Variants in TNS2 observed in about 807,000 individuals in gnomAD.
The protein encoded by TNS2 is tensin-2.
TNS2 carries 77 observed loss-of-function variants against 155.7 expected under a neutral mutation model. The ratio of observed to expected loss-of-function variants is 0.49; its 90% CI spans 0.41 to 0.60. The LOEUF (loss-of-function observed/expected upper bound fraction) is 0.60. Among genes scored for constraint, TNS2 ranks in the 20% least tolerant of loss-of-function variants. TNS2 has a pLI of 0.00. For synonymous variants in TNS2, 726 were observed against 763.9 expected (o/e 0.95, Z 0.82); for missense variants, 1,703 against 1,868.8 (o/e 0.91, Z 1.64).
Position 53,063,525 on chromosome 12 carries a change from C to G in TNS2, c.4062-38C>G, listed in dbSNP as rs751207674. The G allele has an allele frequency of 1.3e-4, 204 of 1,613,624 alleles. No individual in the cohort carries two copies. The highest frequency in any genetic ancestry group is 1.7e-4 in the Non-Finnish European group (203 of 1,179,932). On this transcript the variant is annotated intron_variant, in intron 27 of 28. Coordinates refer to ENST00000314250, the MANE Select transcript of TNS2 (RefSeq NM_170754.4). This position sits in a 1 kb window ranked among gnomAD's most constrained non-coding sequence, Gnocchi z 5.6. Reference sequence around the variant, plus strand: ...CCCGGCCCCCCTTCAGCAGCTGTCCCCTGGGGTGTGCATCTTCACCTTCTT... The same window carrying G: ...CCCGGCCCCCCTTCAGCAGCTGTCCGCTGGGGTGTGCATCTTCACCTTCTT...
At position 53,050,260 on chromosome 12, in the gene TNS2, G is replaced by C; in HGVS notation, c.75G>C (p.Arg25Ser). Residue 25 changes from arginine (R) to serine (S), a missense_variant and splice_region_variant, in exon 1 of 29, where the codon AGG (arginine) becomes AGC (serine). Coordinates refer to ENST00000314250, the MANE Select transcript of TNS2 (RefSeq NM_170754.4). The surrounding 1 kb of genome is among the most constrained non-coding windows in gnomAD (Gnocchi z 4.7). The part of the protein sequence containing the change: ...GRRDSSRAAS[R>S]PRKAEPHSFR... ...GGGACAGCAGCCGGGCCGCAAGCAG[G>C]GTAGGAGTGCCCACCAGCTGGGCAA... The C allele has an allele frequency of 6.2e-7, 1 of 1,604,374 alleles. No individual in the cohort carries two copies. Among genetic ancestry groups the C allele is most frequent in the South Asian group, 1.1e-5 (1 of 89,568 alleles).
Position 53,061,802 on chromosome 12 carries a change from C to G in TNS2, c.3449-13C>G, listed in dbSNP as rs751076154. Reference sequence around the variant, plus strand: ...AAACTCCTCCCCACTGCCCGCTACCCCTCACCCTGCAGCCATTGCCCTGCT... The same window carrying G: ...AAACTCCTCCCCACTGCCCGCTACCGCTCACCCTGCAGCCATTGCCCTGCT... On this transcript the variant is annotated splice_polypyrimidine_tract_variant and intron_variant, in intron 21 of 28. Coordinates refer to ENST00000314250, the MANE Select transcript of TNS2 (RefSeq NM_170754.4). 1 of 1,609,336 alleles carries G rather than the reference C, an allele frequency of 6.2e-7. No individual in the cohort carries two copies. The highest frequency in any genetic ancestry group is 8.5e-7 in the Non-Finnish European group (1 of 1,177,546).
At chr12:53,049,271 G>A (rs1178391748), upstream of TNS2, 3 of 1,595,732 alleles carry the variant, frequency 1.9e-6, no homozygotes, top group African/African-American at 2.7e-5. Flanking sequence ...CTTCGGGGTT[G>A]CCGCGGGGGG....
At chr12:53,057,524 C>A in intron 11 of TNS2, 43 bp from the exon 12 acceptor site, 1 of 1,451,260 alleles carries the variant, frequency 6.9e-7, no homozygotes, top group Non-Finnish European at 9.6e-7. Context: ...AGGTGACCTC[C>A]AGAGGAAAAG....
upstream of TNS2, chr12:53,048,998 A>G (rs1182106954): frequency 1.8e-6 from 1 of 567,136 alleles, no homozygotes. Context: ...GCTGCTGTCC[A>G]CAGCTTGGGG....
Position 53,050,168 on chromosome 12 carries a change from C to A in TNS2, c.-18C>A. On this transcript the variant is annotated 5_prime_UTR_variant, in exon 1 of 29. Transcript: ENST00000314250. The surrounding 1 kb of genome is among the most constrained non-coding windows in gnomAD (Gnocchi z 4.7). The stretch of plus-strand genomic sequence containing the variant: ...ATTGTTCAGGCCCTGGGGCCAGCAC[C>A]CCAGCCAGCCGAACACCATGAAGTC... 6.2e-7 allele frequency: 1 copy of A among 1,608,576 alleles called. No homozygotes were observed. Among genetic ancestry groups the A allele is most frequent in the Non-Finnish European group, 8.5e-7 (1 of 1,178,444 alleles).
At chr12:53,049,291 C>T (rs757380959), upstream of TNS2, 2 of 1,548,982 alleles carry the variant, frequency 1.3e-6, no homozygotes, top group Non-Finnish European at 1.8e-6. Flanking sequence ...GAGGGTGCAG[C>T]CCTTGGGTAG....
At chr12:53,057,956 C>T in intron 13 of TNS2, 71 bp from the exon 14 acceptor site, 1 of 1,609,566 alleles carries the variant, frequency 6.2e-7, no homozygotes, top group South Asian at 1.1e-5. Context: ...TCCTGGCTCC[C>T]CCTGACTGCA....
At chr12:53,061,983 G>A in intron 22 of TNS2, 43 bp downstream of exon 22, 1 of 1,609,276 alleles carries the variant, frequency 6.2e-7, no homozygotes, top group Non-Finnish European at 8.5e-7. Flanking sequence ...ATGAAGTTGG[G>A]GGTGGTGCCA....
Position 53,055,561 on chromosome 12 carries a change from T to C in TNS2, c.574-7T>C. ...CGGCCCCAGTTGCACCCCTGCATTC[T>C]CCCCAGGTTCAAGACTTCGGCTGGC... On this transcript the variant is annotated splice_region_variant and splice_polypyrimidine_tract_variant and intron_variant, in intron 8 of 28. Transcript: ENST00000314250. The C allele has an allele frequency of 6.3e-7, 1 of 1,596,064 alleles. No homozygotes were observed. The highest frequency in any genetic ancestry group is 8.6e-7 in the Non-Finnish European group (1 of 1,167,648).
At chr12:53,047,152 A>AGGAGGC (rs1194307450), upstream of TNS2, 1 of 140,664 alleles carries the variant, frequency 7.1e-6, no homozygotes, top group Non-Finnish European at 1.6e-5. Context: ...GCCGGGAGGG[A>AGGAGGC]GGAGGAGGAG....
At position 53,058,833 on chromosome 12, in the gene TNS2, C is replaced by T; in HGVS notation, c.1405+6C>T. The T allele has an allele frequency of 5.0e-6, 8 of 1,612,726 alleles. No homozygotes were observed. Among genetic ancestry groups the T allele is most frequent in the South Asian group, 1.1e-5 (1 of 91,060 alleles). On this transcript the variant is annotated splice_donor_region_variant and intron_variant, in intron 17 of 28. Transcript: ENST00000314250. ...CCACGAGGACAGTGTGGATGGTGCG[C>T]AGGCAGCCTGCAGGGTGGGAGGTAC...
chr12:53,058,611 TCTC>T lies in TNS2; in HGVS notation c.1270_1272del (p.Ser425del), dbSNP rs754030089. 5.2e-5 allele frequency: 84 copies of T among 1,613,880 alleles called. No homozygotes were observed. Among genetic ancestry groups the T allele is most frequent in the Middle Eastern group, 1.6e-4 (1 of 6,062 alleles). On this transcript the variant is annotated inframe_deletion, in exon 16 of 29. Transcript: ENST00000314250. ...TTCCAAGCCTCCGTGGAGTTTGTCT[TCTC>T]CTCCAGCCCCGAGAAGATCAAAGGT... is the stretch of plus-strand genomic sequence containing the variant.
Position 53,059,297 on chromosome 12 carries a change from T to C in TNS2, c.1656T>C (p.Ser552=), listed in dbSNP as rs535847846. 2 of 1,465,270 alleles carry C rather than the reference T, an allele frequency of 1.4e-6. No individual in the cohort carries two copies. The highest frequency in any genetic ancestry group is 1.5e-5 in the South Asian group (1 of 66,990). The allele number at this position is 1,465,270 out of a possible 1,614,324, so 90.8% of individuals were successfully genotyped here. A position where few individuals can be genotyped will look rare whatever the true frequency, so the allele number is the denominator to read the frequency against. Residue 552 remains serine (S), a synonymous_variant, in exon 18 of 29, where the codon AGT becomes AGC. Coordinates refer to ENST00000314250, the MANE Select transcript of TNS2 (RefSeq NM_170754.4). The surrounding 1 kb of genome is among the most constrained non-coding windows in gnomAD (Gnocchi z 4.7). ...DRLLGGCGVA[S]GGRGAGRETA... is the part of the protein sequence containing the mutation. ...TCCTAGGAGGCTGCGGAGTGGCCAG[T>C]GGGGGCCGGGGAGCTGGGCGCGAGA...
chr12:53,058,279 A>G (rs1191288617), intron 14 of TNS2, 37 bp from the exon 15 acceptor site: 5 of 1,611,490 alleles, frequency 3.1e-6, no homozygotes, highest in Non-Finnish European at 4.2e-6. Flanking sequence ...AGAAGAGGAC[A>G]TGAGGCCTGA....
In TNS2 at chr12:53,052,435, C is replaced by T. The variant is rs1943970147; in HGVS notation, c.185-20C>T. 4 of 1,613,896 alleles carry T rather than the reference C, an allele frequency of 2.5e-6. No homozygotes were observed. Among genetic ancestry groups the T allele is most frequent in the African/African-American group, 1.3e-5 (1 of 74,926 alleles). On this transcript the variant is annotated intron_variant, in intron 2 of 28. Coordinates refer to ENST00000314250, the MANE Select transcript of TNS2 (RefSeq NM_170754.4). Reference sequence around the variant, plus strand: ...CCCACAGGCCCCTGCTAACCCCTCTCCTCCCCTTACCTTCCCTAGTCTGCA... The same window carrying T: ...CCCACAGGCCCCTGCTAACCCCTCTTCTCCCCTTACCTTCCCTAGTCTGCA...
intron 8 of TNS2, 105 bp from the exon 9 acceptor site, chr12:53,055,463 C>T: frequency 7.1e-7 from 1 of 1,407,092 alleles, no homozygotes; most frequent in Admixed American, 2.2e-5. Context: ...ACCAGCAGAC[C>T]CCCAGCCTTG....
rs751451465 is a variant in TNS2 at position 53,060,699 on chromosome 12, C to T, written c.2793C>T (p.Ser931=). 4 of 1,584,612 alleles carry T rather than the reference C, an allele frequency of 2.5e-6. No individual in the cohort carries two copies. Among genetic ancestry groups the T allele is most frequent in the Middle Eastern group, 1.7e-4 (1 of 5,934 alleles). Residue 931 remains serine, a synonymous_variant, in exon 20 of 29, where the codon TCC becomes TCT. Coordinates refer to ENST00000314250, the MANE Select transcript of TNS2 (RefSeq NM_170754.4). This position sits in a 1 kb window ranked among gnomAD's most constrained non-coding sequence, Gnocchi z 6.1. The part of the protein sequence containing the change: ...KESTRRQDTR[S]PTSAPTQRLS... ...GCACCCGGCGACAGGACACCAGGTC[C>T]CCCACCTCAGCGCCCACTCAGAGAC...
At position 53,060,130 on chromosome 12, in the gene TNS2, C is replaced by T; in HGVS notation, c.2489C>T (p.Ser830Phe). Residue 830 changes from serine (S) to phenylalanine (F), a missense_variant, in exon 18 of 29, where the codon TCC becomes TTC. Coordinates refer to ENST00000314250, the MANE Select transcript of TNS2 (RefSeq NM_170754.4). This position sits in a 1 kb window ranked among gnomAD's most constrained non-coding sequence, Gnocchi z 6.1. Reference sequence around the variant, plus strand: ...GGTGCCCACTCCCCACGGGCTGGCTCCATTTCCCCGGGCAGCCCGCCCTAT... The same window carrying T: ...GGTGCCCACTCCCCACGGGCTGGCTTCATTTCCCCGGGCAGCCCGCCCTAT... ...SPGAHSPRAG[S>F]ISPGSPPYPQ... The T allele has an allele frequency of 1.2e-6, 2 of 1,610,540 alleles. No homozygotes were observed. Among genetic ancestry groups the T allele is most frequent in the Non-Finnish European group, 1.7e-6 (2 of 1,178,340 alleles).
Sources: allele counts gnomAD v4.1 joint callset, GRCh38; gene constraint gnomAD v4.1.1; non-coding constraint Gnocchi (gnomAD v3.1); transcripts MANE v1.5; gene names NCBI Gene and HGNC (gene_info 2026-07-23, HGNC 2026-07-21).